The following THEM5 variants were observed in gnomAD, a reference collection of about 807,000 sequenced individuals.
THEM5 encodes thioesterase superfamily member 5.
Under a neutral mutation model 24.2 loss-of-function variants are expected in THEM5, and 28 were observed. That is an observed-to-expected ratio of 1.16 (90% CI 0.86 to 1.59). The LOEUF (loss-of-function observed/expected upper bound fraction) is 1.59. Among genes scored for constraint, THEM5 ranks in the 40% most tolerant of loss-of-function variants. The pLI, the probability that THEM5 is intolerant of heterozygous loss-of-function variation, is 0.00. For missense variants in THEM5, 260 were observed against 296.8 expected, an observed-to-expected ratio of 0.88 and a Z score of 0.91; for synonymous variants, 87 against 114.5, an observed-to-expected ratio of 0.76 and a Z score of 1.53.
intron 2 of THEM5, 123 bp from the exon 3 acceptor site, chr1:151,851,314 C>A: frequency 1.5e-6 from 2 of 1,306,036 alleles, no homozygotes; most frequent in Non-Finnish European, 2.2e-6. Context: ...ACACCAGGTC[C>A]ACCCCCAGGG....
At chr1:151,849,108 A>G (rs1051267305) in intron 3 of THEM5, among the ~76,000 whole-genome samples, 1 of 151,632 alleles carries the variant, frequency 6.6e-6, no homozygotes, top group African/African-American at 2.4e-5. Context: ...TAACTCAGCT[A>G]CTCGAGAGGC....
rs758022985 is a variant in THEM5 at position 151,852,413 on chromosome 1, A to G, written c.170T>C (p.Leu57Pro). 6.2e-7 allele frequency: 1 copy of G among 1,614,176 alleles called. No homozygotes were observed. Among genetic ancestry groups the G allele is most frequent in the Non-Finnish European group, 8.5e-7 (1 of 1,180,044 alleles). ...GTCCGAACACCAGCTGGCATTGGGA[A>G]GAGCATAATCCTTCAAGTCTGTCTT... Reference protein sequence around the residue: ...PEKTDLKDYALPNASWCSDML... With the variant: ...PEKTDLKDYAPPNASWCSDML... Residue 57 changes from leucine to proline, a missense_variant, in exon 2 of 6, where the codon CTT becomes CCT. Physicochemically the swap from Leu to Pro is moderately conservative, Grantham distance 98. Coordinates refer to ENST00000368817, the MANE Select transcript of THEM5 (RefSeq NM_182578.4).
Position 151,852,398 on chromosome 1 carries a change from C to G in THEM5, c.185G>C (p.Trp62Ser), listed in dbSNP as rs764088633. The G allele has an allele frequency of 1.2e-6, 2 of 1,614,144 alleles. No homozygotes were observed. Among genetic ancestry groups the G allele is most frequent in the East Asian group, 4.5e-5 (2 of 44,862 alleles). The change falls in exon 2 of 6, where the codon TGG (tryptophan) becomes TCG (serine). Residue 62 changes from tryptophan to serine, a missense_variant. Trp to Ser is a radical substitution (Grantham distance 177). Coordinates refer to ENST00000368817, the MANE Select transcript of THEM5 (RefSeq NM_182578.4). Reference protein sequence around the residue: ...LKDYALPNASWCSDMLSLYQE... With the variant: ...LKDYALPNASSCSDMLSLYQE... ...GTACAGGCTCAGCATGTCCGAACAC[C>G]AGCTGGCATTGGGAAGAGCATAATC...
intron 2 of THEM5, 53 bp from the exon 3 acceptor site, chr1:151,851,244 T>G: frequency 6.2e-7 from 1 of 1,610,434 alleles, no homozygotes; most frequent in South Asian, 1.1e-5. Flanking sequence ...ATGGTCAGGA[T>G]GCAGCACCAT....
chr1:151,847,946 C>T (rs1652991150), intron 4 of THEM5, 84 bp from the exon 5 acceptor site: 2 of 1,590,804 alleles, frequency 1.3e-6, no homozygotes, highest in South Asian at 1.1e-5. Flanking sequence ...TCCCTCTCTT[C>T]ATCCCTCCCG....
At chr1:151,847,955 C>A in intron 4 of THEM5, 93 bp from the exon 5 acceptor site, 1 of 1,574,466 alleles carries the variant, frequency 6.4e-7, no homozygotes, top group Non-Finnish European at 8.6e-7. Context: ...TCATCCCTCC[C>A]GGCCTCGAGG....
chr1:151,851,058 G>C lies in THEM5; in HGVS notation c.459C>G (p.Pro153=), dbSNP rs1653103121. Residue 153 remains proline, a synonymous_variant, in exon 3 of 6, where the codon CCC becomes CCG. Transcript: ENST00000368817. ...LFQPGSYLEG[P]PGFAHGGSLA... ...GGTCCTACCAGTGACCTTACCCTGG[G>C]GGCCCCTCCAGGTAGGAGCCTGGTT... 6.2e-7 allele frequency: 1 copy of C among 1,614,118 alleles called. No homozygotes were observed. The highest frequency in any genetic ancestry group is 8.5e-7 in the Non-Finnish European group (1 of 1,180,006).
chr1:151,852,380 C>T lies in THEM5; in HGVS notation c.203G>A (p.Ser68Asn), dbSNP rs113162117. ...PNASWCSDML[S>N]LYQEFLEKTK... ...CTTCTCCAGAAATTCTTGGTACAGG[C>T]TCAGCATGTCCGAACACCAGCTGGC... Residue 68 changes from serine (S) to asparagine (N), a missense_variant, in exon 2 of 6, where the codon AGC (serine) becomes AAC (asparagine). Ser to Asn is a conservative substitution (Grantham distance 46). Coordinates refer to ENST00000368817, the MANE Select transcript of THEM5 (RefSeq NM_182578.4). 8.7e-6 allele frequency: 14 copies of T among 1,614,154 alleles called. No homozygotes were observed. Among genetic ancestry groups the T allele is most frequent in the Middle Eastern group, 1.6e-4 (1 of 6,062 alleles).
rs1306496967 is a variant in THEM5, at chr1:151,851,179, C to T, written c.338G>A (p.Cys113Tyr). 6.2e-7 allele frequency: 1 copy of T among 1,614,198 alleles called. No individual in the cohort carries two copies. The highest frequency in any genetic ancestry group is 1.1e-5 in the South Asian group (1 of 91,084). ...TTGGATGCACCTGGTGAAGATGCGA[C>T]AGTCACCTTTGTCTGGGGAGAGATA... is the stretch of plus-strand genomic sequence containing the variant. ...GLAVSSDKGD[C>Y]RIFTRCIQVE... Residue 113 changes from cysteine to tyrosine, a missense_variant, in exon 3 of 6, where the codon TGT (cysteine) becomes TAT (tyrosine). Transcript: ENST00000368817.
chr1:151,852,074 G>A (rs1252341492), intron 2 of THEM5, among the ~76,000 whole-genome samples, 184 bp downstream of exon 2: 1 of 152,298 alleles, frequency 6.6e-6, no homozygotes, highest in Non-Finnish European at 1.5e-5. Context: ...TCAGATGGGA[G>A]GAGGGGAGCT....
At position 151,852,460 on chromosome 1, in the gene THEM5, C is replaced by A; in HGVS notation, c.124-1G>T. ...TCTTCTCTGGCAAGAATCTTGAGAA[C>A]TGGGCAGGAAAAATCAGAATGACTA... is the stretch of plus-strand genomic sequence containing the variant. On this transcript the variant is annotated splice_acceptor_variant, in intron 1 of 5. Transcript: ENST00000368817. LOFTEE classifies it high-confidence loss of function. 6.2e-7 allele frequency: 1 copy of A among 1,614,114 alleles called. No individual in the cohort carries two copies. Among genetic ancestry groups the A allele is most frequent in the Non-Finnish European group, 8.5e-7 (1 of 1,180,026 alleles).
chr1:151,852,253 C>T lies in THEM5; in HGVS notation c.325+5G>A, dbSNP rs1489930776. On this transcript the variant is annotated splice_donor_5th_base_variant and intron_variant, in intron 2 of 5. Coordinates refer to ENST00000368817, the MANE Select transcript of THEM5 (RefSeq NM_182578.4). ...GGGTGTGTGTACTCATGGTCCTGTCCTTACCTGAGGAAACTGCCAGTCCAG... is the reference window on the plus strand; with the variant it reads ...GGGTGTGTGTACTCATGGTCCTGTCTTTACCTGAGGAAACTGCCAGTCCAG... The T allele has an allele frequency of 1.9e-6, 3 of 1,612,948 alleles. No individual in the cohort carries two copies. Among genetic ancestry groups the T allele is most frequent in the Non-Finnish European group, 2.5e-6 (3 of 1,179,952 alleles).
chr1:151,852,046 C>T (rs918252277), intron 2 of THEM5, among the ~76,000 whole-genome samples: 2 of 152,028 alleles, frequency 1.3e-5, no homozygotes, highest in African/African-American at 4.8e-5. Context: ...GAAGGTGGGC[C>T]CACCAGGGTG....
Position 151,851,288 on chromosome 1 carries a change from G to A in THEM5, c.326-97C>T, listed in dbSNP as rs866468452. 15 of 1,528,366 alleles carry A rather than the reference G, an allele frequency of 9.8e-6. No homozygotes were observed. In the African/African-American group the frequency reaches 1.2e-4, roughly 13 times the overall value. The allele number at this position is 1,528,366 out of a possible 1,614,324, so 94.7% of individuals were successfully genotyped here. On this transcript the variant is annotated intron_variant, in intron 2 of 5. Coordinates refer to ENST00000368817, the MANE Select transcript of THEM5 (RefSeq NM_182578.4). ...GTCTTGCCTCTGGTACAAGATTAAG[G>A]AGAGAAAACCAGAGGACACCAGGTC...
intron 5 of THEM5, 49 bp downstream of exon 5, chr1:151,847,689 G>A (rs1364823615): frequency 6.3e-7 from 1 of 1,599,824 alleles, no homozygotes; most frequent in Non-Finnish European, 8.5e-7. Flanking sequence ...TGTTCTGGGG[G>A]TGGGTGGTGG....
intron 2 of THEM5, among the ~76,000 whole-genome samples, chr1:151,851,869 A>G (rs1653137962): frequency 6.6e-6 from 1 of 152,118 alleles, no homozygotes; most frequent in Admixed American, 6.5e-5. Flanking sequence ...CACAGCAGGG[A>G]TGATGTGCAG....
At chr1:151,848,320 G>C (rs779940933) in intron 3 of THEM5, 28 bp from the exon 4 acceptor site, 4 of 1,588,798 alleles carry the variant, frequency 2.5e-6, no homozygotes, top group Non-Finnish European at 3.5e-6. Flanking sequence ...TGAGGAGCAA[G>C]GCCTGGGCTG....
chr1:151,852,186 T>G, intron 2 of THEM5, 72 bp downstream of exon 2: 1 of 1,451,876 alleles, frequency 6.9e-7, no homozygotes, highest in Non-Finnish European at 9.7e-7. Flanking sequence ...AGGCGGTCTG[T>G]GAAGTTGCTT....
intron 3 of THEM5, among the ~76,000 whole-genome samples, chr1:151,849,602 C>G (rs1353130875): frequency 6.6e-6 from 1 of 152,220 alleles, no homozygotes; most frequent in African/African-American, 2.4e-5. Flanking sequence ...ATTCTGATCT[C>G]AGCAGATTAA....
Sources: gnomAD v4.1 joint callset for allele counts (sites outside exome capture counted in the v4.1 genomes callset) on GRCh38, gnomAD v4.1.1 for gene constraint, MANE v1.5 for transcripts, NCBI Gene and HGNC (gene_info 2026-07-23, HGNC 2026-07-21) for gene names.